BANP: variants seen among roughly 807,000 people sequenced by gnomAD.
BANP encodes BTG3 associated nuclear protein, also known as protein BANP.
A neutral mutation model predicts 68.1 loss-of-function variants in BANP; 11 were observed. The observed-to-expected ratio is 0.16, with a 90% confidence interval of 0.10 to 0.27. The LOEUF is 0.27. Ranked by LOEUF, BANP falls within the 10% of genes least tolerant of loss-of-function variation. The pLI is 1.00. For synonymous variants in BANP, 329 were observed against 303.2 expected (o/e 1.09, Z -0.88); for missense variants, 504 against 722.7 (o/e 0.70, Z 3.47).
intron 1 of BANP, among the ~76,000 whole-genome samples, chr16:87,954,562 A>T (rs540399608): frequency 6.6e-6 from 1 of 152,300 alleles, no homozygotes; most frequent in South Asian, 2.1e-4. Flanking sequence ...TGGAGCACCA[A>T]CTTGCAGATA....
intron 2 of BANP, among the ~76,000 whole-genome samples, chr16:87,975,410 C>T (rs766091068): frequency 3.3e-5 from 5 of 152,236 alleles, no homozygotes; most frequent in Non-Finnish European, 5.9e-5. Flanking sequence ...GACACTTTGT[C>T]TCGAGGGCCA....
intron 11 of BANP, among the ~76,000 whole-genome samples, chr16:88,048,268 A>G (rs935036599): frequency 9.2e-5 from 14 of 152,240 alleles, no homozygotes; most frequent in Admixed American, 9.2e-4. Context: ...ATTTTCCGGA[A>G]GCATCTAATC....
rs146734667 is a variant in BANP, at chr16:88,017,661, G to T, written c.656-767G>T. ...GGGGCTGGCGGGCGTCACTGCCTGG[G>T]CAGGCAGGTGGGAAGTCCCACTCCA... On this transcript the variant is annotated intron_variant, in intron 6 of 13. Coordinates refer to ENST00000682872, the MANE Select transcript of BANP (RefSeq NM_001386991.1). Among the ~76,000 whole-genome samples the T allele has an allele frequency of 1.6e-4, 24 of 152,304 alleles. No individual in the cohort carries two copies. The East Asian group carries it at 4.6e-3, about 29-fold the overall frequency.
rs578201422 is a variant in BANP, at chr16:88,002,715, C to G, written c.363-1580C>G. On this transcript the variant is annotated intron_variant, in intron 4 of 13. Transcript: ENST00000682872. This position sits in a 1 kb window ranked among gnomAD's most constrained non-coding sequence, Gnocchi z 4.6. Reference sequence around the variant, plus strand: ...TTTCCTTCACCTTAATAAGGATCTTCAAGGAAAAAAAAGGTATATTTGGTC... The same window carrying G: ...TTTCCTTCACCTTAATAAGGATCTTGAAGGAAAAAAAAGGTATATTTGGTC... Among the ~76,000 whole-genome samples, 15 of 151,740 alleles carry G rather than the reference C, an allele frequency of 9.9e-5. 1 individual carries two copies. In the South Asian group the frequency reaches 3.1e-3, roughly 32 times the overall value.
At chr16:87,973,687 A>G (rs1288214886) in intron 1 of BANP, among the ~76,000 whole-genome samples, 1 of 144,604 alleles carries the variant, frequency 6.9e-6, no homozygotes, top group Admixed American at 7.3e-5. Context: ...TGAACCCAGG[A>G]GGTGGAGGTA....
chr16:88,030,935 C>G (rs2078034727), intron 8 of BANP, among the ~76,000 whole-genome samples: 3 of 152,328 alleles, frequency 2.0e-5, no homozygotes, highest in South Asian at 4.1e-4. Flanking sequence ...TTTGATAATG[C>G]TTAGATGCCT....
chr16:88,052,942 A>T (rs1361204091), intron 11 of BANP, among the ~76,000 whole-genome samples: 1 of 151,354 alleles, frequency 6.6e-6, no homozygotes, highest in African/African-American at 2.4e-5. Flanking sequence ...CACTACCATC[A>T]CCACCTTCAC....
intron 11 of BANP, among the ~76,000 whole-genome samples, chr16:88,047,621 A>C (rs879875353): frequency 2.6e-5 from 4 of 152,170 alleles, no homozygotes; most frequent in Non-Finnish European, 2.9e-5. Flanking sequence ...GCAGTAATTC[A>C]GGGCGCCGGG....
At chr16:88,072,360 A>G (rs11864872) in intron 13 of BANP, 148 bp downstream of exon 13, 227,132 of 934,600 alleles carry the variant, frequency 0.24, 28,516 homozygotes, top group South Asian at 0.28. Flanking sequence ...TGAGGGTTCT[A>G]CGTCTCACAC....
Position 88,051,386 on chromosome 16 carries a change from C to T in BANP, c.1311+13375C>T, listed in dbSNP as rs570648284. 4.6e-5 allele frequency among the ~76,000 whole-genome samples: 7 copies of T among 152,302 alleles called. 1 individual carries two copies. The South Asian group carries it at 1.2e-3, about 27-fold the overall frequency. ...CCCTGCATGTGTAGATGTGGAGCTC[C>T]TTAAGGGCAGGACCCGTGCCCAGCA... On this transcript the variant is annotated intron_variant, in intron 11 of 13. Coordinates refer to ENST00000682872, the MANE Select transcript of BANP (RefSeq NM_001386991.1).
chr16:88,074,882 C>T (rs866079319), intron 13 of BANP, among the ~76,000 whole-genome samples: 17 of 152,260 alleles, frequency 1.1e-4, no homozygotes, highest in Middle Eastern at 3.4e-3. Flanking sequence ...AACAGTATAT[C>T]GAGTGTCATT....
At chr16:87,988,657 C>T (rs1035259246) in intron 4 of BANP, among the ~76,000 whole-genome samples, 3 of 152,142 alleles carry the variant, frequency 2.0e-5, no homozygotes, top group African/African-American at 7.2e-5. Context: ...CCCGGGGTTC[C>T]CAGGGCTCAC....
rs1159527742 is a variant in BANP at position 88,036,599 on chromosome 16, C to G, written c.1272+1205C>G. Reference sequence around the variant, plus strand: ...GGTGGGTTATCCTGAGAGGGGAGCACATGCGTAAGGGTTCTGAGGGCGGAA... The same window carrying G: ...GGTGGGTTATCCTGAGAGGGGAGCAGATGCGTAAGGGTTCTGAGGGCGGAA... On this transcript the variant is annotated intron_variant, in intron 10 of 13. Transcript: ENST00000682872. The surrounding 1 kb of genome is among the most constrained non-coding windows in gnomAD (Gnocchi z 4.2). Among the ~76,000 whole-genome samples, 1 of 152,048 alleles carries G rather than the reference C, an allele frequency of 6.6e-6. No homozygotes were observed. The highest frequency in any genetic ancestry group is 1.5e-5 in the Non-Finnish European group (1 of 68,022).
At chr16:87,958,971 G>A (rs980288805) in intron 1 of BANP, among the ~76,000 whole-genome samples, 6 of 152,192 alleles carry the variant, frequency 3.9e-5, no homozygotes, top group Non-Finnish European at 5.9e-5. Context: ...ACCTTGCGGC[G>A]CCTTGGCAGT....
chr16:88,013,746 C>T (rs1255777563), intron 6 of BANP, among the ~76,000 whole-genome samples: 1 of 152,248 alleles, frequency 6.6e-6, no homozygotes, highest in Non-Finnish European at 1.5e-5. Flanking sequence ...TAAGCAGGGC[C>T]TACCCCACAG....
At chr16:87,989,639 A>G (rs60091760) in intron 4 of BANP, among the ~76,000 whole-genome samples, 27,380 of 59,970 alleles carry the variant, frequency 0.46, 7,226 homozygotes, top group African/African-American at 0.59. Flanking sequence ...AGGACACAGG[A>G]CACAGGGCGG....
At chr16:87,960,192 G>A (rs114255830) in intron 1 of BANP, among the ~76,000 whole-genome samples, 1,749 of 152,320 alleles carry the variant, frequency 0.011, 34 homozygotes, top group African/African-American at 0.04. Flanking sequence ...ATGGCCACAG[G>A]GAGGGGAGAT....
intron 1 of BANP, among the ~76,000 whole-genome samples, chr16:87,962,953 C>A (rs1208850996): frequency 6.6e-6 from 1 of 152,226 alleles, no homozygotes; most frequent in Non-Finnish European, 1.5e-5. Flanking sequence ...CTCATTATTT[C>A]TTCCTTTCTA....
chr16:88,055,633 G>A (rs1157209415), intron 11 of BANP, among the ~76,000 whole-genome samples: 4 of 152,162 alleles, frequency 2.6e-5, no homozygotes, highest in African/African-American at 7.2e-5. Context: ...TGGAGAGAGC[G>A]AGGAGAAGGA....
Sources: gnomAD v4.1 joint callset for allele counts (sites outside exome capture counted in the v4.1 genomes callset) on GRCh38, gnomAD v4.1.1 for gene constraint, Gnocchi (gnomAD v3.1) non-coding constraint, MANE v1.5 for transcripts, NCBI Gene and HGNC (gene_info 2026-07-23, HGNC 2026-07-21) for gene names.